Variants in BCL11A observed in about 807,000 individuals in gnomAD.
BCL11A encodes the protein B cell CLL/lymphoma 11A.
In BCL11A, 2 loss-of-function variants were observed where a neutral mutation model predicts 55.9. The ratio of observed to expected loss-of-function variants is 0.04; its 90% confidence interval spans 0.01 to 0.11. The LOEUF (loss-of-function observed/expected upper bound fraction) is 0.11. Ranked by LOEUF, BCL11A falls within the 10% of genes least tolerant of loss-of-function variation. The pLI is 1.00. For missense variants in BCL11A, 817 were observed against 1,137.1 expected, an observed-to-expected ratio of 0.72 and a Z score of 4.05; for synonymous variants, 465 against 473.4, an observed-to-expected ratio of 0.98 and a Z score of 0.23.
chr2:60,485,978 C>T (rs985407708), intron 2 of BCL11A, among the ~76,000 whole-genome samples: 4 of 152,160 alleles, frequency 2.6e-5, no homozygotes, highest in Non-Finnish European at 4.4e-5. Context: ...TTTCTCCAAC[C>T]TTCTGCTCTG....
rs1232694569 is a variant in BCL11A, at chr2:60,531,227, C to T, written c.385+14744G>A. Among the ~76,000 whole-genome samples, 4 of 152,058 alleles carry T rather than the reference C, an allele frequency of 2.6e-5. No homozygotes were observed. The East Asian group carries it at 5.8e-4, about 22-fold the overall frequency. ...AGGTTTTTCTCCTCCCTCTGTGTTG[C>T]CCGACGGTCCTGCACACACAGACAC... On this transcript the variant is annotated intron_variant, in intron 2 of 3. Transcript: ENST00000642384.
At chr2:60,467,183 G>GCGGTGATGGTAC (rs1676713852) in intron 3 of BCL11A, among the ~76,000 whole-genome samples, 3 of 138,292 alleles carry the variant, frequency 2.2e-5, no homozygotes, top group Admixed American at 7.1e-5. Flanking sequence ...GGTGGTGGTG[G>GCGGTGATGGTAC]TGGTGATGGT....
chr2:60,514,467 G>A, intron 2 of BCL11A, among the ~76,000 whole-genome samples: 1 of 144,490 alleles, frequency 6.9e-6, no homozygotes, highest in Admixed American at 7.1e-5. Flanking sequence ...GACCAGCCTA[G>A]CCAACATGGT....
At chr2:60,468,050 C>A (rs986825629) in intron 3 of BCL11A, among the ~76,000 whole-genome samples, 4 of 9,254 alleles carry the variant, frequency 4.3e-4, no homozygotes, top group Non-Finnish European at 6.2e-4. Context: ...GGTGATGGTA[C>A]TGGTGGTGAT....
At chr2:60,514,433 GGTCACCTGA>G (rs1668634890) in intron 2 of BCL11A, among the ~76,000 whole-genome samples, 2 of 151,474 alleles carry the variant, frequency 1.3e-5, no homozygotes, top group Admixed American at 6.6e-5. Flanking sequence ...GAGGCGTGTG[GGTCACCTGA>G]GGTCAGGAGT....
chr2:60,488,447 G>T (rs1678413771), intron 2 of BCL11A, among the ~76,000 whole-genome samples: 2 of 152,204 alleles, frequency 1.3e-5, no homozygotes, highest in Admixed American at 6.5e-5. Flanking sequence ...AAATGTGAAA[G>T]AAAGGACACA....
In BCL11A at chr2:60,460,847, CCGA is replaced by C; in HGVS notation, c.2062_2064del (p.Ser688del). Reference sequence around the variant, plus strand: ...AAACTCCCGTTCTCCGAGGAGTGCTCCGACGAGGAGGCAAAAGGCGATTGTCTG... The same window carrying C: ...AAACTCCCGTTCTCCGAGGAGTGCTCCGAGGAGGCAAAAGGCGATTGTCTG... On this transcript the variant is annotated inframe_deletion, in exon 4 of 4. Transcript: ENST00000642384. The C allele has an allele frequency of 6.2e-7, 1 of 1,612,956 alleles. No individual in the cohort carries two copies. The highest frequency in any genetic ancestry group is 8.5e-7 in the Non-Finnish European group (1 of 1,180,024).
chr2:60,467,704 ACTGG>A (rs1676863886), intron 3 of BCL11A, among the ~76,000 whole-genome samples: 1 of 10,308 alleles, frequency 9.7e-5, no homozygotes, highest in Non-Finnish European at 1.8e-4. Flanking sequence ...TGGTGATGGT[ACTGG>A]TGGTGATGGT....
At chr2:60,451,527 T>C (rs1675721674) in exon 5 of BCL11A, 1 of 231,636 alleles carries the variant, frequency 4.3e-6, no homozygotes, top group South Asian at 1.8e-4. Context: ...GCTGTGATTG[T>C]CTGTTCTGAT....
At chr2:60,531,637 G>A (rs1669461154) in intron 2 of BCL11A, among the ~76,000 whole-genome samples, 1 of 152,178 alleles carries the variant, frequency 6.6e-6, no homozygotes, top group Admixed American at 6.5e-5. Context: ...GCAGGACTCA[G>A]ACCAACCACT....
chr2:60,487,966 C>T (rs187885066), intron 2 of BCL11A, among the ~76,000 whole-genome samples: 1 of 152,344 alleles, frequency 6.6e-6, no homozygotes, highest in East Asian at 1.9e-4. Context: ...GTTTTCCCAA[C>T]TCTAGAATGG....
intron 3 of BCL11A, among the ~76,000 whole-genome samples, chr2:60,467,086 GGTGGTGGTGATGATGGTGGTGGTA>G (rs1676660546): frequency 3.3e-5 from 5 of 149,486 alleles, no homozygotes; most frequent in Non-Finnish European, 7.5e-5. Flanking sequence ...TGGTGGTGGT[GGTGGTGGTGATGATGGTGGTGGTA>G]GTGGTGGTGG....
chr2:60,482,958 T>TTCAA (rs1378829260), intron 2 of BCL11A, among the ~76,000 whole-genome samples: 1 of 152,214 alleles, frequency 6.6e-6, no homozygotes, highest in African/African-American at 2.4e-5. Context: ...TTTCAAACAT[T>TTCAA]ACAGAAATGA....
rs543420765 is a variant in BCL11A at position 60,546,598 on chromosome 2, T to C, written c.56-298A>G. Among the ~76,000 whole-genome samples the C allele has an allele frequency of 6.6e-6, 1 of 152,072 alleles. No individual in the cohort carries two copies. Among genetic ancestry groups the C allele is most frequent in the Non-Finnish European group, 1.5e-5 (1 of 68,008 alleles). On this transcript the variant is annotated intron_variant, in intron 1 of 3. Transcript: ENST00000642384. The surrounding 1 kb of genome is among the most constrained non-coding windows in gnomAD (Gnocchi z 4.1). ...CCATGCACACACCCACAGCAACAAA[T>C]GTGTCTGGTTTGTAAGTTTAGAAAG...
chr2:60,524,146 A>G (rs1383064943), intron 2 of BCL11A, among the ~76,000 whole-genome samples: 2 of 152,226 alleles, frequency 1.3e-5, no homozygotes, highest in African/African-American at 4.8e-5. Flanking sequence ...TATATATCAC[A>G]TTGTGACACA....
intron 2 of BCL11A, among the ~76,000 whole-genome samples, chr2:60,541,115 C>T (rs1309259956): frequency 6.6e-6 from 1 of 152,068 alleles, no homozygotes; most frequent in African/African-American, 2.4e-5. Flanking sequence ...CAATAAAAGG[C>T]CATTTTTACA....
Position 60,457,913 on chromosome 2 carries a change from T to C in BCL11A, c.*2491A>G. The stretch of plus-strand genomic sequence containing the variant: ...CAGGCTCCCCCAAACCGCCATTATA[T>C]GGCTTCTCATCTGTAATGTCACACT... On this transcript the variant is annotated 3_prime_UTR_variant, in exon 4 of 4. Coordinates refer to ENST00000642384, the MANE Select transcript of BCL11A (RefSeq NM_022893.4). The C allele has an allele frequency of 1.9e-6, 2 of 1,047,166 alleles. No individual in the cohort carries two copies. Among genetic ancestry groups the C allele is most frequent in the Non-Finnish European group, 2.3e-6 (2 of 867,796 alleles). The allele number at this position is 1,047,166 out of a possible 1,614,324, so 64.9% of individuals were successfully genotyped here. A position where few individuals can be genotyped will look rare whatever the true frequency, so the allele number is the denominator to read the frequency against.
chr2:60,517,684 G>A (rs1262470746), intron 2 of BCL11A, among the ~76,000 whole-genome samples: 1 of 152,266 alleles, frequency 6.6e-6, no homozygotes, highest in East Asian at 1.9e-4. Context: ...AGGAATGAAA[G>A]TGGGAAGCCC....
At chr2:60,479,464 A>G (rs1056563299) in intron 2 of BCL11A, among the ~76,000 whole-genome samples, 2 of 152,220 alleles carry the variant, frequency 1.3e-5, no homozygotes, top group African/African-American at 4.8e-5. Flanking sequence ...GTCTACTAGG[A>G]ACAGGAAAGA....
Sources: gnomAD v4.1 joint callset for allele counts (sites outside exome capture counted in the v4.1 genomes callset) on GRCh38, gnomAD v4.1.1 for gene constraint, Gnocchi (gnomAD v3.1) non-coding constraint, MANE v1.5 for transcripts, NCBI Gene and HGNC (gene_info 2026-07-23, HGNC 2026-07-21) for gene names.